Variants in CFAP69 observed in about 807,000 individuals in gnomAD.
The protein encoded by CFAP69 is cilia- and flagella-associated protein 69.
CFAP69 carries 92 observed loss-of-function variants against 123.0 expected under a neutral mutation model. That is an observed-to-expected ratio of 0.75 (90% CI 0.63 to 0.89). The LOEUF (loss-of-function observed/expected upper bound fraction) is 0.89, where lower values mean the gene tolerates loss of function less well. CFAP69 is among the 40% of genes least tolerant of loss of function. The pLI is 0.00. For synonymous variants in CFAP69, 380 were observed against 364.3 expected (o/e 1.04, Z -0.49); for missense variants, 1,067 against 1,096.9 (o/e 0.97, Z 0.39).
chr7:90,245,254 G>T lies in CFAP69; in HGVS notation c.-171G>T, dbSNP rs1562824623. 1.2e-6 allele frequency: 1 copy of T among 825,444 alleles called. No homozygotes were observed. The highest frequency in any genetic ancestry group is 1.7e-6 in the Non-Finnish European group (1 of 586,874). 51.1% of individuals were successfully genotyped at this position (825,444 alleles called of 1,614,324 possible). ...TGGGGGGCGGCAGCGGCGCTAAGCG[G>T]ACTGTATGGCGGTGGCCTAGGCCCC... On this transcript the variant is annotated 5_prime_UTR_variant, in exon 1 of 23. Coordinates refer to ENST00000389297, the MANE Select transcript of CFAP69 (RefSeq NM_001039706.3).
rs755686863 is a variant in CFAP69, at chr7:90,261,967, G to C, written c.267G>C (p.Gln89His). The C allele has an allele frequency of 8.2e-6, 13 of 1,587,334 alleles. No homozygotes were observed. In the African/African-American group the frequency reaches 1.5e-4, roughly 18 times the overall value. ...TAAAGCCATTAAGGGATTTAGCACA[G>C]ATATTTAAAATTCTGAATCTGTGTT... Reference protein sequence around the residue: ...QNGLPLRDLAQIFKILNLCSG... With the variant: ...QNGLPLRDLAHIFKILNLCSG... Residue 89 changes from glutamine to histidine, a missense_variant, in exon 4 of 23, where the codon CAG (glutamine) becomes CAC (histidine). Physicochemically the swap from Gln to His is conservative, Grantham distance 24. Coordinates refer to ENST00000389297, the MANE Select transcript of CFAP69 (RefSeq NM_001039706.3).
intron 14 of CFAP69, chr7:90,287,814 A>G (rs1016166335): frequency 2.3e-6 from 2 of 872,112 alleles, no homozygotes; most frequent in Non-Finnish European, 2.8e-6. Context: ...TGTTTTAACT[A>G]CATTTATATC....
intron 3 of CFAP69, among the ~76,000 whole-genome samples, chr7:90,261,082 AT>A (rs372399718): frequency 0.013 from 1,940 of 145,774 alleles, 29 homozygotes; most frequent in African/African-American, 0.04. Context: ...TGCCAATAGG[AT>A]TTTTTTTTTT....
At position 90,307,821 on chromosome 7, in the gene CFAP69, C is replaced by G. The variant is rs762480207; in HGVS notation, c.2517C>G (p.Phe839Leu). ...RELANKSWED[F>L]LARTSNAKTL... ...TGGCTAATAAATCATGGGAAGATTT[C>G]TTGGCTAGAACATCAAACGCTAAAA... is the stretch of plus-strand genomic sequence containing the variant. Residue 839 changes from phenylalanine to leucine, a missense_variant, in exon 21 of 23, where the codon TTC (phenylalanine) becomes TTG (leucine). Transcript: ENST00000389297. 6.2e-7 allele frequency: 1 copy of G among 1,612,014 alleles called. No homozygotes were observed. Among genetic ancestry groups the G allele is most frequent in the Admixed American group, 1.7e-5 (1 of 59,850 alleles).
At chr7:90,288,453 A>G in intron 15 of CFAP69, 101 bp downstream of exon 15, 1 of 1,336,880 alleles carries the variant, frequency 7.5e-7, no homozygotes, top group Non-Finnish European at 1.0e-6. Context: ...AGGCAATTTC[A>G]TCTTATGCAA....
chr7:90,310,754 G>A lies in CFAP69; in HGVS notation c.*516G>A, dbSNP rs578033531. 3.9e-5 allele frequency: 6 copies of A among 152,462 alleles called. No homozygotes were observed. Among genetic ancestry groups the A allele is most frequent in the African/African-American group, 1.4e-4 (6 of 41,548 alleles). The allele number at this position is 152,462 out of a possible 1,614,324, so 9.4% of individuals were successfully genotyped here. ...ACCCCTGATTGCCCACATGCCTACG[G>A]TAGTCCTGAGCCATTCACCATGACT... is the stretch of plus-strand genomic sequence containing the variant. On this transcript the variant is annotated 3_prime_UTR_variant, in exon 23 of 23. Transcript: ENST00000389297.
chr7:90,311,445 A>G (rs924549574), downstream of CFAP69, among the ~76,000 whole-genome samples: 3 of 152,200 alleles, frequency 2.0e-5, no homozygotes, highest in East Asian at 5.8e-4. Context: ...TGTTCTCACC[A>G]ATTCACACAG....
intron 9 of CFAP69, among the ~76,000 whole-genome samples, chr7:90,276,409 T>A (rs1413662337): frequency 1.3e-5 from 2 of 152,204 alleles, no homozygotes; most frequent in East Asian, 1.9e-4. Flanking sequence ...GGAAATAATA[T>A]CTTCAGCATC....
chr7:90,245,193 T>G lies in CFAP69; in HGVS notation c.-232T>G. On this transcript the variant is annotated 5_prime_UTR_variant, in exon 1 of 23. Transcript: ENST00000389297. ...CCCCCTAGCAACGCGCTGGCTTGTG[T>G]TAACAACCGGCCCGGGATCAGAGGT... The G allele has an allele frequency of 2.2e-6, 1 of 447,996 alleles. No homozygotes were observed. The highest frequency in any genetic ancestry group is 3.7e-6 in the Non-Finnish European group (1 of 269,240). 27.8% of individuals were successfully genotyped at this position (447,996 alleles called of 1,614,324 possible). A position where few individuals can be genotyped will look rare whatever the true frequency, so the allele number is the denominator to read the frequency against.
chr7:90,271,796 TA>T lies in CFAP69; in HGVS notation c.700del (p.Met234Ter). On this transcript the variant is annotated frameshift_variant, in exon 8 of 23. Coordinates refer to ENST00000389297, the MANE Select transcript of CFAP69 (RefSeq NM_001039706.3). LOFTEE classifies it high-confidence loss of function. Reference sequence around the variant, plus strand: ...TTATTTTCAGAAGTTAATTGTACTATAATGATGAAAGCACAAGCAGCCAGTG... The same window carrying T: ...TTATTTTCAGAAGTTAATTGTACTATATGATGAAAGCACAAGCAGCCAGTG... ...HLSTSEVNCTIMMKAQAASGI... is the reference protein window; with the variant it reads ...HLSTSEVNCTXMMKAQAASGI... 6.3e-7 allele frequency: 1 copy of T among 1,581,928 alleles called. No homozygotes were observed. Among genetic ancestry groups the T allele is most frequent in the Non-Finnish European group, 8.6e-7 (1 of 1,164,050 alleles).
chr7:90,263,235 CAT>C (rs549359036), intron 4 of CFAP69, among the ~76,000 whole-genome samples: 4 of 152,250 alleles, frequency 2.6e-5, no homozygotes, highest in Admixed American at 2.6e-4. Flanking sequence ...CATTTTCCCT[CAT>C]ATTTCATAAT....
rs1798777077 is a variant in CFAP69 at position 90,264,107 on chromosome 7, ATATATATATATATATATATATAT to A, written c.357-1193_357-1171del. On this transcript the variant is annotated intron_variant, in intron 4 of 22. Transcript: ENST00000389297. Reference sequence around the variant, plus strand: ...CTCCATCTCGAAAAAAAAAAAAAATATATATATATATATATATATATATATATATATATATATATATATGAATT... The same window carrying A: ...CTCCATCTCGAAAAAAAAAAAAAATAATATATATATATATATATATGAATT... Among the ~76,000 whole-genome samples the A allele has an allele frequency of 2.1e-4, 13 of 62,000 alleles. 2 individuals carry two copies. The highest frequency in any genetic ancestry group is 2.5e-4 in the Non-Finnish European group (9 of 35,898). 40.7% of individuals were successfully genotyped at this position (62,000 alleles called of 152,430 possible).
intron 1 of CFAP69, among the ~76,000 whole-genome samples, chr7:90,248,073 G>A (rs1378654598): frequency 2.0e-5 from 3 of 152,156 alleles, no homozygotes; most frequent in African/African-American, 4.8e-5. Context: ...TGGCTTCCAG[G>A]ATGTGAGAGT....
At chr7:90,295,647 G>T (rs1791835150) in intron 15 of CFAP69, among the ~76,000 whole-genome samples, 1 of 152,182 alleles carries the variant, frequency 6.6e-6, no homozygotes, top group South Asian at 2.1e-4. Context: ...CCAAGGGAAG[G>T]TTCTTGGATC....
chr7:90,312,745 GC>G (rs1376126907), downstream of CFAP69: 1 of 152,122 alleles, frequency 6.6e-6, no homozygotes, highest in Non-Finnish European at 1.5e-5. Flanking sequence ...GGGACATGAT[GC>G]CTACCCGATC....
intron 11 of CFAP69, among the ~76,000 whole-genome samples, chr7:90,277,783 T>C (rs1409584929): frequency 6.6e-6 from 1 of 152,156 alleles, no homozygotes; most frequent in Non-Finnish European, 1.5e-5. Flanking sequence ...TTTTACTCTC[T>C]ATGAATTTAT....
chr7:90,284,554 G>A (rs1417323681), intron 13 of CFAP69, among the ~76,000 whole-genome samples: 1 of 152,168 alleles, frequency 6.6e-6, no homozygotes, highest in African/African-American at 2.4e-5. Context: ...TAGAAAGATA[G>A]CATGTGTTAG....
the CFAP69 span, chr7:90,317,563 C>T: frequency 2.0e-5 from 3 of 151,678 alleles, no homozygotes; most frequent in African/African-American, 4.8e-5. Context: ...ATAATATTGC[C>T]GAACGCTATG....
rs1797874602 is a variant in CFAP69, at chr7:90,258,165, T to C, written c.246+2T>C. 1.3e-6 allele frequency: 2 copies of C among 1,577,858 alleles called. No individual in the cohort carries two copies. Among genetic ancestry groups the C allele is most frequent in the African/African-American group, 2.7e-5 (2 of 73,904 alleles). ...GTACAGTGTTATCAGAATGGACTTG[T>C]ATCCTTTACATATATATGTATGTTC... On this transcript the variant is annotated splice_donor_variant, in intron 3 of 22. Transcript: ENST00000389297. LOFTEE classifies it high-confidence loss of function.
Sources: gnomAD v4.1 joint callset for allele counts (sites outside exome capture counted in the v4.1 genomes callset) on GRCh38, gnomAD v4.1.1 for gene constraint, MANE v1.5 for transcripts, NCBI Gene and HGNC (gene_info 2026-07-23, HGNC 2026-07-21) for gene names.